The following KATNBL1 variants were observed in gnomAD, a reference collection of about 807,000 sequenced individuals.
KATNBL1 encodes the protein katanin regulatory subunit B1 like 1.
In KATNBL1, 28 loss-of-function variants were observed where a neutral mutation model predicts 44.7. The observed-to-expected ratio is 0.63, with a 90% CI of 0.46 to 0.86. The LOEUF (loss-of-function observed/expected upper bound fraction) is 0.86, where lower values mean the gene tolerates loss of function less well. Among genes scored for constraint, KATNBL1 ranks in the 40% least tolerant of loss-of-function variants. KATNBL1 has a pLI of 0.00. For missense variants in KATNBL1, 272 were observed against 350.7 expected (o/e 0.78, Z 1.79); for synonymous variants, 78 against 114.9 (o/e 0.68, Z 2.06).
chr15:34,191,250 T>A (rs1889865187), intron 1 of KATNBL1, among the ~76,000 whole-genome samples: 2 of 150,328 alleles, frequency 1.3e-5, no homozygotes, highest in Non-Finnish European at 3.0e-5. Flanking sequence ...GTTGCATGCA[T>A]GTATCAATGG....
At position 34,146,813 on chromosome 15, in the gene KATNBL1, T is replaced by C. The variant is rs200538549; in HGVS notation, c.736A>G (p.Ile246Val). 1.9e-6 allele frequency: 3 copies of C among 1,609,584 alleles called. No individual in the cohort carries two copies. Among genetic ancestry groups the C allele is most frequent in the Non-Finnish European group, 2.6e-6 (3 of 1,175,950 alleles). Residue 246 changes from isoleucine (I) to valine (V), a missense_variant, in exon 8 of 10, where the codon ATT becomes GTT. Ile to Val is a conservative substitution (Grantham distance 29). This residue lies in a region of KATNBL1 where 39 missense variants were observed against 76.3 expected (regional missense o/e 0.51). Coordinates refer to ENST00000256544, the MANE Select transcript of KATNBL1 (RefSeq NM_024713.3). ...GATAGTTCTGACCACCACCTTTTAA[T>C]GACTGCTTGAAGCCAGTTTAAACCA... ...IVGLNWLQAV[I>V]KRWWSELSSK...
intron 1 of KATNBL1, among the ~76,000 whole-genome samples, chr15:34,202,511 A>G (rs1008105673): frequency 6.6e-6 from 1 of 152,314 alleles, no homozygotes; most frequent in Non-Finnish European, 1.5e-5. Context: ...CCCAACAGTT[A>G]CAGTGGTTGG....
chr15:34,195,687 T>A (rs1289501687), intron 1 of KATNBL1, among the ~76,000 whole-genome samples: 2 of 128,842 alleles, frequency 1.6e-5, no homozygotes, highest in African/African-American at 7.2e-5. Flanking sequence ...AGAGACGCCA[T>A]CTCAAAAAAA....
At chr15:34,185,995 C>T (rs1191626280) in intron 1 of KATNBL1, among the ~76,000 whole-genome samples, 1 of 152,144 alleles carries the variant, frequency 6.6e-6, no homozygotes, top group Non-Finnish European at 1.5e-5. Flanking sequence ...GAGTTACTTT[C>T]TCAAAGTTTT....
chr15:34,155,215 C>G (rs1265755966), intron 2 of KATNBL1, among the ~76,000 whole-genome samples: 2 of 152,200 alleles, frequency 1.3e-5, no homozygotes, highest in African/African-American at 4.8e-5. Flanking sequence ...ACTCAGAACT[C>G]ACTGTACTTA....
At chr15:34,206,724 G>T (rs1890301796) in intron 1 of KATNBL1, among the ~76,000 whole-genome samples, 1 of 151,910 alleles carries the variant, frequency 6.6e-6, no homozygotes, top group Non-Finnish European at 1.5e-5. Flanking sequence ...CCGGGAGGTG[G>T]AGGTTGTGGT....
At chr15:34,170,567 G>C (rs28813796) in intron 1 of KATNBL1, among the ~76,000 whole-genome samples, 4 of 152,052 alleles carry the variant, frequency 2.6e-5, no homozygotes, top group Middle Eastern at 3.4e-3. Context: ...TGACTTTCTT[G>C]GAAGAATTGG....
chr15:34,189,728 G>A (rs116166934), intron 1 of KATNBL1, among the ~76,000 whole-genome samples: 2,877 of 152,154 alleles, frequency 0.019, 81 homozygotes, highest in African/African-American at 0.066. Flanking sequence ...TTTGTTCCCT[G>A]CAGTTTACTC....
chr15:34,149,532 T>C (rs896967476), intron 4 of KATNBL1, among the ~76,000 whole-genome samples: 1 of 152,004 alleles, frequency 6.6e-6, no homozygotes, highest in Non-Finnish European at 1.5e-5. Flanking sequence ...CAAGTAATTC[T>C]CCTGCCTCAC....
chr15:34,154,600 C>G (rs1440972003), intron 3 of KATNBL1, 44 bp downstream of exon 3: 2 of 1,235,310 alleles, frequency 1.6e-6, no homozygotes, highest in Non-Finnish European at 2.4e-6. Flanking sequence ...CCTTACCCAG[C>G]TTTCATATTT....
chr15:34,158,978 C>A (rs1888718158), intron 2 of KATNBL1, among the ~76,000 whole-genome samples: 1 of 152,176 alleles, frequency 6.6e-6, no homozygotes, highest in African/African-American at 2.4e-5. Context: ...GTCAGGAAAC[C>A]TGCTGGGTTA....
intron 4 of KATNBL1, among the ~76,000 whole-genome samples, 170 bp from the exon 5 acceptor site, chr15:34,148,920 A>T (rs965359936): frequency 6.6e-6 from 1 of 152,214 alleles, no homozygotes; most frequent in Non-Finnish European, 1.5e-5. Flanking sequence ...AATGATCTGA[A>T]CAAATTTAAG....
chr15:34,167,015 T>C (rs1419817564), intron 1 of KATNBL1, among the ~76,000 whole-genome samples: 4 of 151,938 alleles, frequency 2.6e-5, no homozygotes, highest in African/African-American at 7.3e-5. Flanking sequence ...GGCTGAAAAT[T>C]CAAAAAATCA....
intron 4 of KATNBL1, among the ~76,000 whole-genome samples, chr15:34,152,480 C>T (rs978250119): frequency 1.3e-5 from 2 of 152,226 alleles, no homozygotes; most frequent in African/African-American, 2.4e-5. Flanking sequence ...CCACTGTGTC[C>T]GGCCTAGTGC....
intron 2 of KATNBL1, 139 bp downstream of exon 2, chr15:34,163,421 A>G: frequency 1.0e-6 from 1 of 965,680 alleles, no homozygotes; most frequent in Non-Finnish European, 1.5e-6. Flanking sequence ...TACATTGGTT[A>G]TATTTCACCA....
chr15:34,201,858 A>G (rs1890183586), intron 1 of KATNBL1, among the ~76,000 whole-genome samples: 1 of 152,214 alleles, frequency 6.6e-6, no homozygotes, highest in South Asian at 2.1e-4. Context: ...ATACATCTCT[A>G]CTGAATATGT....
Position 34,162,516 on chromosome 15 carries a change from C to T in KATNBL1, c.117+1044G>A, listed in dbSNP as rs984328635. Reference sequence around the variant, plus strand: ...GCAGCATGAAAACGGAATAATACAACATCCAGCTCCCTATTTTCCACACTT... The same window carrying T: ...GCAGCATGAAAACGGAATAATACAATATCCAGCTCCCTATTTTCCACACTT... On this transcript the variant is annotated intron_variant, in intron 2 of 9. Transcript: ENST00000256544. 2.0e-5 allele frequency among the ~76,000 whole-genome samples: 3 copies of T among 152,318 alleles called. No homozygotes were observed. In the South Asian group the frequency reaches 6.2e-4, roughly 32 times the overall value.
At position 34,161,090 on chromosome 15, in the gene KATNBL1, G is replaced by A. The variant is rs184677749; in HGVS notation, c.117+2470C>T. 1.5e-3 allele frequency among the ~76,000 whole-genome samples: 221 copies of A among 152,220 alleles called. 1 individual carries two copies. The South Asian group carries it at 0.024, about 17-fold the overall frequency. ...GCCCTAAGCTGTATGAGGTGACTAC[G>A]AAACCACAAATCCGGACTCAACACT... On this transcript the variant is annotated intron_variant, in intron 2 of 9. Coordinates refer to ENST00000256544, the MANE Select transcript of KATNBL1 (RefSeq NM_024713.3).
chr15:34,184,813 T>C (rs2140975121), intron 1 of KATNBL1, among the ~76,000 whole-genome samples: 1 of 151,970 alleles, frequency 6.6e-6, no homozygotes, highest in South Asian at 2.1e-4. Context: ...GACCTCGTGA[T>C]CCGCCCACCT....
Sources: allele counts gnomAD v4.1 joint callset (sites outside exome capture counted in the v4.1 genomes callset), GRCh38; gene constraint gnomAD v4.1.1; regional missense constraint gnomAD v4.1.1; transcripts MANE v1.5; gene names NCBI Gene and HGNC (gene_info 2026-07-23, HGNC 2026-07-21).